Variants in LMOD1 observed in about 807,000 individuals in gnomAD.
The protein encoded by LMOD1 is leiomodin-1.
In LMOD1, 8 loss-of-function variants were observed where a neutral mutation model predicts 36.5. That is an observed-to-expected ratio of 0.22 (90% confidence interval 0.13 to 0.40). The LOEUF (loss-of-function observed/expected upper bound fraction) is 0.40. Among genes scored for constraint, LMOD1 ranks in the 10% least tolerant of loss-of-function variants. LMOD1 has a pLI of 1.00. For synonymous variants in LMOD1, 284 were observed against 288.7 expected, an observed-to-expected ratio of 0.98 and a Z score of 0.17; for missense variants, 630 against 751.1, an observed-to-expected ratio of 0.84 and a Z score of 1.88.
At chr1:201,930,845 G>T (rs1391904904) in intron 1 of LMOD1, among the ~76,000 whole-genome samples, 1 of 152,202 alleles carries the variant, frequency 6.6e-6, no homozygotes, top group Non-Finnish European at 1.5e-5. Context: ...CAAGGAGAAT[G>T]TGCTGTATTG....
intron 1 of LMOD1, among the ~76,000 whole-genome samples, chr1:201,945,814 C>T (rs1284979650): frequency 6.6e-6 from 1 of 152,198 alleles, no homozygotes; most frequent in Non-Finnish European, 1.5e-5. Flanking sequence ...TTCAAGGACA[C>T]CTTCCAGCTC....
At chr1:201,941,415 C>T (rs944220778) in intron 1 of LMOD1, among the ~76,000 whole-genome samples, 3 of 152,224 alleles carry the variant, frequency 2.0e-5, no homozygotes, top group African/African-American at 7.2e-5. Flanking sequence ...GAGATTTTAA[C>T]AGTCTAACCC....
At chr1:201,910,723 C>G (rs1429444401) in intron 1 of LMOD1, among the ~76,000 whole-genome samples, 1 of 135,924 alleles carries the variant, frequency 7.4e-6, no homozygotes, top group African/African-American at 2.7e-5. Context: ...AACATTTTCC[C>G]CTTTTGCAGA....
intron 1 of LMOD1, among the ~76,000 whole-genome samples, chr1:201,926,686 A>C (rs1681831290): frequency 6.6e-6 from 1 of 152,218 alleles, no homozygotes; most frequent in Non-Finnish European, 1.5e-5. Context: ...AATGATCTCA[A>C]CTACAAAAAG....
Position 201,896,665 on chromosome 1 carries a change from T to C in LMOD1, c.*1707A>G, listed in dbSNP as rs765461702. The C allele has an allele frequency of 2.2e-6, 1 of 456,744 alleles. No homozygotes were observed. The highest frequency in any genetic ancestry group is 1.5e-5 in the South Asian group (1 of 64,574). 28.3% of individuals were successfully genotyped at this position (456,744 alleles called of 1,614,324 possible). ...CAGTGAGGGCTGACAGTGGAAGCTC[T>C]AGCTGGCCTTAGCTCCAGCTCATAC... is the stretch of plus-strand genomic sequence containing the variant. On this transcript the variant is annotated 3_prime_UTR_variant, in exon 3 of 3. Coordinates refer to ENST00000367288, the MANE Select transcript of LMOD1 (RefSeq NM_012134.3).
At chr1:201,919,483 C>T (rs574549878) in intron 1 of LMOD1, among the ~76,000 whole-genome samples, 2 of 151,894 alleles carry the variant, frequency 1.3e-5, no homozygotes, top group Admixed American at 1.3e-4. Context: ...GGATTACAGG[C>T]ATGAGCCACC....
At chr1:201,945,590 T>A (rs572236381) in intron 1 of LMOD1, among the ~76,000 whole-genome samples, 2 of 152,298 alleles carry the variant, frequency 1.3e-5, no homozygotes, top group East Asian at 3.9e-4. Flanking sequence ...CCTCCTGAAA[T>A]GATCCATGTG....
chr1:201,931,113 A>C (rs527252240), intron 1 of LMOD1, among the ~76,000 whole-genome samples: 1 of 152,246 alleles, frequency 6.6e-6, no homozygotes, highest in African/African-American at 2.4e-5. Flanking sequence ...AGTAAAAGGG[A>C]ATGTTGAAGA....
At chr1:201,914,783 C>A (rs552941192) in intron 1 of LMOD1, among the ~76,000 whole-genome samples, 48 of 152,004 alleles carry the variant, frequency 3.2e-4, no homozygotes, top group Admixed American at 2.6e-4. Flanking sequence ...ACCCCTCCTC[C>A]CCACATTGCA....
At chr1:201,944,207 G>A (rs542779500) in intron 1 of LMOD1, among the ~76,000 whole-genome samples, 4 of 152,164 alleles carry the variant, frequency 2.6e-5, no homozygotes, top group Non-Finnish European at 2.9e-5. Flanking sequence ...GGCTCTGTCC[G>A]CAGAACCAAG....
chr1:201,920,334 C>T (rs1231559735), intron 1 of LMOD1, among the ~76,000 whole-genome samples: 2 of 152,108 alleles, frequency 1.3e-5, no homozygotes, highest in East Asian at 3.9e-4. Context: ...ACCATTGACT[C>T]TCTGACTGGG....
intron 1 of LMOD1, among the ~76,000 whole-genome samples, chr1:201,936,610 T>C (rs949071428): frequency 1.3e-5 from 2 of 152,084 alleles, no homozygotes; most frequent in African/African-American, 4.8e-5. Context: ...TCCCCACATC[T>C]TCCCAAGGCT....
At chr1:201,913,483 T>A (rs1681547357) in intron 1 of LMOD1, among the ~76,000 whole-genome samples, 1 of 152,178 alleles carries the variant, frequency 6.6e-6, no homozygotes, top group Admixed American at 6.5e-5. Flanking sequence ...GGTCAGCACC[T>A]GTAATCTCAG....
Position 201,897,199 on chromosome 1 carries a change from A to G in LMOD1, c.*1173T>C. ...ACACAGATATGGGTGCTATTCTCCAAATAGTCACTCCACTTCTCTGCCTGC... is the reference window on the plus strand; with the variant it reads ...ACACAGATATGGGTGCTATTCTCCAGATAGTCACTCCACTTCTCTGCCTGC... On this transcript the variant is annotated 3_prime_UTR_variant, in exon 3 of 3. Transcript: ENST00000367288. The G allele has an allele frequency of 1.0e-5, 2 of 190,820 alleles. No individual in the cohort carries two copies. The highest frequency in any genetic ancestry group is 5.3e-5 in the Admixed American group (1 of 18,788). The allele number at this position is 190,820 out of a possible 1,614,324, so 11.8% of individuals were successfully genotyped here.
chr1:201,924,665 A>T (rs148503112), intron 1 of LMOD1, among the ~76,000 whole-genome samples: 3 of 130,288 alleles, frequency 2.3e-5, no homozygotes, highest in Non-Finnish European at 4.8e-5. Flanking sequence ...AGAAAGAAAA[A>T]AAAGAAAGAA....
chr1:201,919,629 C>T (rs1045351048), intron 1 of LMOD1, among the ~76,000 whole-genome samples: 2 of 152,210 alleles, frequency 1.3e-5, no homozygotes, highest in Non-Finnish European at 2.9e-5. Flanking sequence ...ATTGGGTCCT[C>T]TCCCTGAGGC....
Position 201,946,275 on chromosome 1 carries a change from C to T in LMOD1, c.66G>A (p.Glu22=), listed in dbSNP as rs752613711. 3.7e-6 allele frequency: 6 copies of T among 1,614,004 alleles called. No individual in the cohort carries two copies. The highest frequency in any genetic ancestry group is 5.1e-6 in the Non-Finnish European group (6 of 1,179,900). The part of the protein sequence containing the change: ...SEDPDIDSLL[E]TLSPEEMEEL... ...CCTCCATCTCCTCGGGAGACAGGGTCTCCAGCAGGCTGTCGATGTCGGGGT... is the reference window on the plus strand; with the variant it reads ...CCTCCATCTCCTCGGGAGACAGGGTTTCCAGCAGGCTGTCGATGTCGGGGT... The change falls in exon 1 of 3, where the codon GAG becomes GAA. Residue 22 remains glutamate (E), a synonymous_variant. Transcript: ENST00000367288.
intron 1 of LMOD1, among the ~76,000 whole-genome samples, chr1:201,934,111 C>T (rs185523640): frequency 6.6e-6 from 1 of 152,312 alleles, no homozygotes; most frequent in Admixed American, 6.5e-5. Context: ...GATTTTCAAG[C>T]AGCTCTGGCA....
At chr1:201,942,308 C>A (rs1189540809) in intron 1 of LMOD1, among the ~76,000 whole-genome samples, 1 of 152,184 alleles carries the variant, frequency 6.6e-6, no homozygotes, top group Non-Finnish European at 1.5e-5. Context: ...ATACAAAAGT[C>A]ATGTCCCAAG....
Sources: allele counts gnomAD v4.1 joint callset (sites outside exome capture counted in the v4.1 genomes callset), GRCh38; gene constraint gnomAD v4.1.1; transcripts MANE v1.5; gene names NCBI Gene and HGNC (gene_info 2026-07-23, HGNC 2026-07-21).